Variants in ROBO2 observed in about 807,000 individuals in gnomAD.
ROBO2 encodes roundabout homolog 2.
ROBO2 carries 53 observed loss-of-function variants against 160.8 expected under a neutral mutation model. The observed-to-expected ratio is 0.33, with a 90% CI of 0.26 to 0.41. The LOEUF (loss-of-function observed/expected upper bound fraction) is 0.41, where lower values mean the gene tolerates loss of function less well. Ranked by LOEUF, ROBO2 falls within the 10% of genes least tolerant of loss-of-function variation. The probability of loss-of-function intolerance (pLI) is 1.00; values close to 1 mark genes in which losing one functional copy is unlikely to be tolerated. For missense variants in ROBO2, 1,577 were observed against 1,722.4 expected, an observed-to-expected ratio of 0.92 and a Z score of 1.49; for synonymous variants, 664 against 611.7, an observed-to-expected ratio of 1.09 and a Z score of -1.26.
intron 2 of ROBO2, among the ~76,000 whole-genome samples, chr3:76,364,875 T>C (rs563580743): frequency 8.5e-5 from 13 of 152,204 alleles, no homozygotes; most frequent in African/African-American, 3.1e-4. Context: ...CAACCTACGG[T>C]GTAAACTGCC....
At chr3:77,395,299 T>C (rs1423990214) in intron 2 of ROBO2, among the ~76,000 whole-genome samples, 1 of 152,170 alleles carries the variant, frequency 6.6e-6, no homozygotes, top group Non-Finnish European at 1.5e-5. Context: ...GTTGAATAAC[T>C]GCTTACTTTT....
At chr3:76,213,872 A>C (rs2107340195) in intron 2 of ROBO2, among the ~76,000 whole-genome samples, 1 of 152,040 alleles carries the variant, frequency 6.6e-6, no homozygotes, top group Non-Finnish European at 1.5e-5. Flanking sequence ...GAATTTATCA[A>C]GGTGTTCTAG....
intron 2 of ROBO2, among the ~76,000 whole-genome samples, chr3:77,396,274 G>GA: frequency 6.6e-6 from 1 of 152,132 alleles, no homozygotes; most frequent in South Asian, 2.1e-4. Context: ...AGAAAAACTA[G>GA]AAAAATCAGT....
intron 2 of ROBO2, among the ~76,000 whole-genome samples, chr3:76,445,529 A>C (rs1022145601): frequency 7.2e-5 from 11 of 152,156 alleles, no homozygotes; most frequent in Admixed American, 2.0e-4. Context: ...ATCCTCCCTA[A>C]CTCATTTTAT....
intron 2 of ROBO2, among the ~76,000 whole-genome samples, chr3:76,322,908 G>T (rs143403355): frequency 1.3e-5 from 2 of 151,834 alleles, no homozygotes; most frequent in Admixed American, 6.6e-5. Flanking sequence ...TTGAAATATC[G>T]CCAAGAAATA....
intron 2 of ROBO2, among the ~76,000 whole-genome samples, chr3:76,096,790 C>T (rs1263267945): frequency 6.6e-6 from 1 of 152,140 alleles, no homozygotes; most frequent in African/African-American, 2.4e-5. Flanking sequence ...ATCATTTATA[C>T]AACAATGTAA....
intron 2 of ROBO2, among the ~76,000 whole-genome samples, chr3:77,477,077 A>G (rs1470248365): frequency 6.6e-6 from 1 of 152,190 alleles, no homozygotes; most frequent in African/African-American, 2.4e-5. Context: ...ATGAGTTTCT[A>G]TATAGAAAAT....
Position 77,192,267 on chromosome 3 carries a change from A to G in ROBO2, c.388+93927A>G, listed in dbSNP as rs540420577. 3.9e-5 allele frequency among the ~76,000 whole-genome samples: 6 copies of G among 152,280 alleles called. No individual in the cohort carries two copies. The South Asian group carries it at 1.0e-3, about 26-fold the overall frequency. On this transcript the variant is annotated intron_variant, in intron 2 of 25. Coordinates refer to ENST00000461745, the Ensembl canonical transcript of ROBO2. Reference sequence around the variant, plus strand: ...ATGTGTATGTTTTAATATGCTGAACATGATTCTTTATTTAAAAAAAGGGAA... The same window carrying G: ...ATGTGTATGTTTTAATATGCTGAACGTGATTCTTTATTTAAAAAAAGGGAA...
intron 2 of ROBO2, among the ~76,000 whole-genome samples, chr3:76,156,544 T>G (rs1202513272): frequency 1.3e-5 from 2 of 152,204 alleles, no homozygotes; most frequent in Admixed American, 1.3e-4. Flanking sequence ...TTCTCTGTGT[T>G]AAGTGTAAGG....
chr3:76,303,203 G>T (rs551819509), intron 2 of ROBO2, among the ~76,000 whole-genome samples: 11 of 152,028 alleles, frequency 7.2e-5, no homozygotes, highest in Admixed American at 2.0e-4. Context: ...GCCTCCCCAG[G>T]ACCCACATTC....
intron 2 of ROBO2, among the ~76,000 whole-genome samples, chr3:76,537,709 C>T (rs930316486): frequency 6.6e-6 from 1 of 152,150 alleles, no homozygotes; most frequent in Non-Finnish European, 1.5e-5. Context: ...AGACCACCTA[C>T]ACAGGCTTTG....
At chr3:76,388,236 A>G (rs2076984313) in intron 2 of ROBO2, among the ~76,000 whole-genome samples, 1 of 151,806 alleles carries the variant, frequency 6.6e-6, no homozygotes, top group African/African-American at 2.4e-5. Flanking sequence ...TGTCCATATA[A>G]TACAGTGTAA....
At chr3:76,757,921 T>C (rs1391777088) in intron 2 of ROBO2, among the ~76,000 whole-genome samples, 5 of 151,652 alleles carry the variant, frequency 3.3e-5, no homozygotes, top group African/African-American at 7.3e-5. Context: ...GCACGATTTG[T>C]GAAAGAAAAC....
At chr3:77,463,796 G>T (rs151046927) in intron 2 of ROBO2, among the ~76,000 whole-genome samples, 2 of 152,140 alleles carry the variant, frequency 1.3e-5, no homozygotes, top group South Asian at 2.1e-4. Flanking sequence ...GCCCAAAATG[G>T]TCTCGAACTC....
intron 4 of ROBO2, among the ~76,000 whole-genome samples, chr3:77,489,673 A>G (rs2085822498): frequency 6.6e-6 from 1 of 152,226 alleles, no homozygotes; most frequent in South Asian, 2.1e-4. Flanking sequence ...CATGTTAAGG[A>G]AAGCATACAC....
chr3:77,392,110 A>T (rs571293412), intron 2 of ROBO2, among the ~76,000 whole-genome samples: 10 of 152,192 alleles, frequency 6.6e-5, no homozygotes, highest in Admixed American at 6.5e-4. Flanking sequence ...AAGTATATTC[A>T]TCTATTCTTT....
At chr3:76,351,546 G>A (rs1179235692) in intron 2 of ROBO2, among the ~76,000 whole-genome samples, 1 of 151,738 alleles carries the variant, frequency 6.6e-6, no homozygotes, top group African/African-American at 2.4e-5. Flanking sequence ...AACTCCACAG[G>A]GATTCTGATA....
In ROBO2 at chr3:76,242,552, T is replaced by A. The variant is rs137983232; in HGVS notation, c.109+304950T>A. Among the ~76,000 whole-genome samples the A allele has an allele frequency of 8.1e-3, 1,234 of 152,202 alleles. 5 individuals are homozygous for A. Among genetic ancestry groups the A allele is most frequent in the South Asian group, 0.019 (93 of 4,820 alleles). ...TTTCCTGTGCCCTTCATGTCCCTTC[T>A]CCTGAAAGCATGTTCCCAAATAAAT... On this transcript the variant is annotated intron_variant, in intron 2 of 26. Transcript: ENST00000487694.
At chr3:76,717,432 A>G (rs1370099928) in intron 2 of ROBO2, among the ~76,000 whole-genome samples, 4 of 150,740 alleles carry the variant, frequency 2.7e-5, no homozygotes, top group Admixed American at 2.0e-4. Context: ...TGGAGGTTGC[A>G]GTGAGCCAAG....
Sources: allele counts gnomAD v4.1 joint callset (sites outside exome capture counted in the v4.1 genomes callset), GRCh38; gene constraint gnomAD v4.1.1; transcripts MANE v1.5; gene names NCBI Gene and HGNC (gene_info 2026-07-23, HGNC 2026-07-21).